The following GNAQ variants were observed in gnomAD, a reference collection of about 807,000 sequenced individuals.
The protein encoded by GNAQ is G protein subunit alpha q.
Under a neutral mutation model 43.9 loss-of-function variants are expected in GNAQ, and 8 were observed. That is an observed-to-expected ratio of 0.18 (90% CI 0.11 to 0.33). GNAQ has a LOEUF of 0.33. Ranked by LOEUF, GNAQ falls within the 10% of genes least tolerant of loss-of-function variation. GNAQ has a pLI of 1.00. For synonymous variants in GNAQ, 155 were observed against 170.7 expected, an observed-to-expected ratio of 0.91 and a Z score of 0.71; for missense variants, 158 against 450.8, an observed-to-expected ratio of 0.35 and a Z score of 5.88.
At chr9:77,997,943 G>C (rs1475349176) in intron 1 of GNAQ, among the ~76,000 whole-genome samples, 1 of 152,214 alleles carries the variant, frequency 6.6e-6, no homozygotes, top group Non-Finnish European at 1.5e-5. Flanking sequence ...GGGCCAAGGA[G>C]CTGGCGGAAA....
chr9:77,760,888 G>T (rs1235617899), intron 5 of GNAQ, among the ~76,000 whole-genome samples: 1 of 148,228 alleles, frequency 6.7e-6, no homozygotes, highest in East Asian at 2.1e-4. Flanking sequence ...GAGTGCCTCT[G>T]CCCGGTCGCG....
At chr9:77,916,136 C>T (rs1828899256) in intron 2 of GNAQ, among the ~76,000 whole-genome samples, 1 of 152,204 alleles carries the variant, frequency 6.6e-6, no homozygotes, top group Admixed American at 6.5e-5. Flanking sequence ...GGCCATCCTT[C>T]AGCTTCTACT....
intron 1 of GNAQ, among the ~76,000 whole-genome samples, chr9:77,961,360 T>A (rs1191414460): frequency 6.6e-6 from 1 of 151,712 alleles, no homozygotes; most frequent in African/African-American, 2.4e-5. Context: ...AAAACAGAGA[T>A]CAGAATCGAG....
intron 5 of GNAQ, among the ~76,000 whole-genome samples, chr9:77,762,189 C>A (rs1826046059): frequency 7.2e-6 from 1 of 138,330 alleles, no homozygotes; most frequent in Non-Finnish European, 1.6e-5. Flanking sequence ...TGCCCGGCCA[C>A]CCCTACTGGG....
chr9:77,860,119 A>G (rs1352170486), intron 2 of GNAQ, among the ~76,000 whole-genome samples: 1 of 152,226 alleles, frequency 6.6e-6, no homozygotes, highest in Non-Finnish European at 1.5e-5. Context: ...GAGATTTCAT[A>G]TTAAAGCTGC....
chr9:77,839,850 C>T (rs964289702), intron 2 of GNAQ, among the ~76,000 whole-genome samples: 2 of 152,202 alleles, frequency 1.3e-5, no homozygotes, highest in Non-Finnish European at 2.9e-5. Context: ...CTAATTAGAA[C>T]ATTAACCCAA....
In GNAQ at chr9:77,728,638, A is replaced by G. The variant is rs144682617; in HGVS notation, c.765T>C (p.Phe255=). ...ENRMEESKAL[F]RTIITYPWFQ... is the part of the protein sequence containing the mutation. ...ACCAGGGGTATGTGATAATTGTTCT[A>G]AAGAGAGCCTTGCTTTCCTCCATTC... The change falls in exon 6 of 7, where the codon TTT becomes TTC. Residue 255 remains phenylalanine (F), a synonymous_variant. Transcript: ENST00000286548. The G allele has an allele frequency of 4.8e-4, 766 of 1,608,778 alleles. No homozygotes were observed. The highest frequency in any genetic ancestry group is 6.0e-4 in the Non-Finnish European group (709 of 1,175,888).
At chr9:77,831,605 G>A (rs753543159) in intron 2 of GNAQ, among the ~76,000 whole-genome samples, 4 of 152,180 alleles carry the variant, frequency 2.6e-5, no homozygotes, top group Non-Finnish European at 5.9e-5. Context: ...CTTTCAATGT[G>A]ACAGAATTAT....
At chr9:78,017,629 A>C (rs753255113) in intron 1 of GNAQ, among the ~76,000 whole-genome samples, 1 of 152,214 alleles carries the variant, frequency 6.6e-6, no homozygotes, top group Non-Finnish European at 1.5e-5. Context: ...TCTAAAGCAG[A>C]TCATGATTTT....
intron 1 of GNAQ, among the ~76,000 whole-genome samples, chr9:77,991,194 A>C (rs910706641): frequency 7.2e-5 from 11 of 152,246 alleles, no homozygotes; most frequent in Admixed American, 5.9e-4. Flanking sequence ...TTCAAAGCAA[A>C]GCAGGTGGGT....
rs1034790670 is a variant in GNAQ at position 77,912,269 on chromosome 9, T to C, written c.321+9892A>G. Reference sequence around the variant, plus strand: ...ACTCAAACATATACATTCACTTGATTTGTGACAAAGGTGACACTGTATTGC... The same window carrying C: ...ACTCAAACATATACATTCACTTGATCTGTGACAAAGGTGACACTGTATTGC... On this transcript the variant is annotated intron_variant, in intron 2 of 6. Coordinates refer to ENST00000286548, the MANE Select transcript of GNAQ (RefSeq NM_002072.5). Among the ~76,000 whole-genome samples the C allele has an allele frequency of 3.9e-5, 6 of 152,214 alleles. No homozygotes were observed. The South Asian group carries it at 8.3e-4, about 21-fold the overall frequency.
chr9:77,745,766 AG>A (rs530697083), intron 5 of GNAQ, among the ~76,000 whole-genome samples: 145 of 152,078 alleles, frequency 9.5e-4, no homozygotes, highest in African/African-American at 3.4e-3. Context: ...AAATAAAAAA[AG>A]AATTAGTCAA....
At chr9:77,898,392 C>T (rs529853364) in intron 2 of GNAQ, among the ~76,000 whole-genome samples, 1 of 152,262 alleles carries the variant, frequency 6.6e-6, no homozygotes, top group East Asian at 1.9e-4. Context: ...TCTGTCCCTC[C>T]CATCTAGGCT....
intron 2 of GNAQ, among the ~76,000 whole-genome samples, chr9:77,818,680 T>C (rs1248894186): frequency 6.6e-6 from 1 of 152,140 alleles, no homozygotes; most frequent in Non-Finnish European, 1.5e-5. Flanking sequence ...CAGACTATCT[T>C]GTTTATTTTG....
intron 2 of GNAQ, among the ~76,000 whole-genome samples, chr9:77,882,183 T>C (rs988152436): frequency 4.7e-4 from 72 of 152,070 alleles, no homozygotes; most frequent in African/African-American, 1.7e-3. Context: ...GCAGTATGAG[T>C]TTATGGCCAT....
intron 5 of GNAQ, among the ~76,000 whole-genome samples, chr9:77,729,552 C>T (rs149323555): frequency 1.1e-4 from 16 of 152,174 alleles, no homozygotes; most frequent in Middle Eastern, 3.4e-3. Flanking sequence ...GAGCTTCTTT[C>T]GTCTCTCCTT....
chr9:77,928,833 A>G (rs1160907209), intron 1 of GNAQ, among the ~76,000 whole-genome samples: 4 of 152,110 alleles, frequency 2.6e-5, no homozygotes, highest in African/African-American at 9.7e-5. Flanking sequence ...CAGCCTGGCC[A>G]ACATGGTGAA....
chr9:77,947,065 T>C lies in GNAQ; in HGVS notation c.137-24720A>G, dbSNP rs191077226. Among the ~76,000 whole-genome samples the C allele has an allele frequency of 1.2e-3, 184 of 152,394 alleles. 2 individuals are homozygous for C. Among genetic ancestry groups the C allele is most frequent in the African/African-American group, 4.2e-3 (174 of 41,606 alleles). ...TGTTCTTTCAGACCTTCAGGCTTTT[T>C]ACTTCCCTTTCCCCAAATATCCTTC... On this transcript the variant is annotated intron_variant, in intron 1 of 6. Coordinates refer to ENST00000286548, the MANE Select transcript of GNAQ (RefSeq NM_002072.5).
chr9:77,939,667 G>T (rs1410424505), intron 1 of GNAQ, among the ~76,000 whole-genome samples: 1 of 152,132 alleles, frequency 6.6e-6, no homozygotes, highest in Non-Finnish European at 1.5e-5. Flanking sequence ...TCAACTGGGT[G>T]AAAAAACTCA....
Sources: allele counts gnomAD v4.1 joint callset (sites outside exome capture counted in the v4.1 genomes callset), GRCh38; gene constraint gnomAD v4.1.1; transcripts MANE v1.5; gene names NCBI Gene and HGNC (gene_info 2026-07-23, HGNC 2026-07-21).